The following FHOD3 variants were observed in gnomAD, a reference collection of about 807,000 sequenced individuals.
FHOD3 encodes formin homology 2 domain containing 3, also known as FH1/FH2 domain-containing protein 3.
Under a neutral mutation model 173.0 loss-of-function variants are expected in FHOD3, and 90 were observed. That is an observed-to-expected ratio of 0.52 (90% CI 0.44 to 0.62). The LOEUF (loss-of-function observed/expected upper bound fraction) is 0.62. FHOD3 is among the 20% of genes least tolerant of loss of function. The pLI, the probability that FHOD3 is intolerant of heterozygous loss-of-function variation, is 0.00. For synonymous variants in FHOD3, 828 were observed against 823.0 expected, an observed-to-expected ratio of 1.01 and a Z score of -0.10; for missense variants, 1,945 against 2,034.7, an observed-to-expected ratio of 0.96 and a Z score of 0.85.
chr18:36,369,467 A>G (rs2047059982), intron 2 of FHOD3, among the ~76,000 whole-genome samples: 2 of 127,220 alleles, frequency 1.6e-5, no homozygotes, highest in African/African-American at 6.3e-5. Flanking sequence ...ACACACACAC[A>G]CACACACACA....
intron 1 of FHOD3, among the ~76,000 whole-genome samples, chr18:36,328,685 C>T (rs897342717): frequency 4.6e-5 from 7 of 152,036 alleles, no homozygotes; most frequent in African/African-American, 1.7e-4. Flanking sequence ...GGGAGAAGCC[C>T]AGAGATTCCT....
intron 3 of FHOD3, among the ~76,000 whole-genome samples, chr18:36,431,074 A>G (rs1433234330): frequency 1.3e-5 from 2 of 152,240 alleles, no homozygotes; most frequent in Non-Finnish European, 2.9e-5. Flanking sequence ...ATCTTGATAA[A>G]TTGAAATCAA....
chr18:36,512,561 A>ATGCAGCAGC lies in FHOD3; in HGVS notation c.511+22_511+30dup. The ATGCAGCAGC allele has an allele frequency of 6.4e-7, 1 of 1,572,806 alleles. No homozygotes were observed. Among genetic ancestry groups the ATGCAGCAGC allele is most frequent in the South Asian group, 1.1e-5 (1 of 90,146 alleles). ...CTTAAGGGGTAAGTCATGACTGGGC[A>ATGCAGCAGC]TGCAGCAGCTGCCCCAGCTGCAGGG... On this transcript the variant is annotated intron_variant, in intron 5 of 28. Transcript: ENST00000590592.
intron 3 of FHOD3, among the ~76,000 whole-genome samples, chr18:36,377,137 G>T (rs1292025574): frequency 6.6e-6 from 1 of 152,154 alleles, no homozygotes; most frequent in Non-Finnish European, 1.5e-5. Context: ...GTATTCGAAG[G>T]GTGGGGAATG....
intron 9 of FHOD3, among the ~76,000 whole-genome samples, chr18:36,612,413 GAA>G (rs1350989178): frequency 6.6e-6 from 1 of 152,198 alleles, no homozygotes; most frequent in East Asian, 1.9e-4. Flanking sequence ...GACGGGGAGA[GAA>G]AGAGATAGAG....
intron 3 of FHOD3, among the ~76,000 whole-genome samples, chr18:36,447,008 G>C (rs1443619097): frequency 4.6e-5 from 7 of 152,174 alleles, no homozygotes; most frequent in South Asian, 4.1e-4. Flanking sequence ...TTTTTGCCTA[G>C]GACCTGCTGT....
At chr18:36,551,570 G>T (rs2057658657) in intron 5 of FHOD3, among the ~76,000 whole-genome samples, 1 of 152,046 alleles carries the variant, frequency 6.6e-6, no homozygotes, top group South Asian at 2.1e-4. Context: ...TGAAGTCCTT[G>T]CCCATGCCTA....
At chr18:36,468,595 C>T (rs1274597827) in intron 3 of FHOD3, among the ~76,000 whole-genome samples, 1 of 152,146 alleles carries the variant, frequency 6.6e-6, no homozygotes, top group Non-Finnish European at 1.5e-5. Flanking sequence ...CAGGGAATTT[C>T]AGGGGCAGTG....
At chr18:36,714,891 A>G (rs1419448151) in intron 18 of FHOD3, among the ~76,000 whole-genome samples, 1 of 152,222 alleles carries the variant, frequency 6.6e-6, no homozygotes, top group Non-Finnish European at 1.5e-5. Flanking sequence ...CCAAGGACAG[A>G]GAACAAAGAT....
chr18:36,408,766 C>T (rs76474312), intron 3 of FHOD3, among the ~76,000 whole-genome samples: 2,007 of 152,182 alleles, frequency 0.013, 33 homozygotes, highest in African/African-American at 0.045. Flanking sequence ...TCAAGGGAAG[C>T]GCAAGGATGT....
At chr18:36,384,270 C>T (rs563020384) in intron 3 of FHOD3, among the ~76,000 whole-genome samples, 1 of 152,094 alleles carries the variant, frequency 6.6e-6, no homozygotes, top group African/African-American at 2.4e-5. Flanking sequence ...GTCCTAGCTA[C>T]TTGGGAGGCT....
chr18:36,429,139 C>T (rs986275991), intron 3 of FHOD3, among the ~76,000 whole-genome samples: 4 of 152,250 alleles, frequency 2.6e-5, no homozygotes, highest in Non-Finnish European at 5.9e-5. Flanking sequence ...CCCAGAAGTC[C>T]CTGCCACCAG....
intron 14 of FHOD3, among the ~76,000 whole-genome samples, chr18:36,662,863 C>T (rs2036905374): frequency 6.6e-6 from 1 of 152,206 alleles, no homozygotes; most frequent in Admixed American, 6.5e-5. Context: ...TTATATCCCT[C>T]TTTCCTCAAT....
intron 3 of FHOD3, among the ~76,000 whole-genome samples, chr18:36,375,497 T>C (rs988071796): frequency 2.6e-5 from 4 of 152,234 alleles, no homozygotes; most frequent in Admixed American, 6.5e-5. Flanking sequence ...TCAAAAATAA[T>C]GCTTTCCTCA....
chr18:36,652,291 C>G lies in FHOD3; in HGVS notation c.1287-279C>G, dbSNP rs573547356. On this transcript the variant is annotated intron_variant, in intron 11 of 28. Coordinates refer to ENST00000590592, the MANE Select transcript of FHOD3 (RefSeq NM_001281740.3). Reference sequence around the variant, plus strand: ...GGGCTCCAGTAAATTCCCAAAGTCTCTTACACCTAGAGGCCAGGTTTGGCC... The same window carrying G: ...GGGCTCCAGTAAATTCCCAAAGTCTGTTACACCTAGAGGCCAGGTTTGGCC... Among the ~76,000 whole-genome samples the G allele has an allele frequency of 2.1e-4, 32 of 152,350 alleles. 1 individual carries two copies. The South Asian group carries it at 6.2e-3, about 30-fold the overall frequency.
intron 14 of FHOD3, among the ~76,000 whole-genome samples, chr18:36,658,945 A>G (rs2036600489): frequency 6.6e-6 from 1 of 152,186 alleles, no homozygotes; most frequent in Admixed American, 6.5e-5. Flanking sequence ...TGCTGTGTGA[A>G]GCCCACCATG....
chr18:36,625,780 G>A (rs1239943783), intron 10 of FHOD3, 31 bp downstream of exon 10: 4 of 1,545,892 alleles, frequency 2.6e-6, no homozygotes, highest in Non-Finnish European at 3.5e-6. Flanking sequence ...GGAGAGGGGT[G>A]CAAGGATGCC....
intron 3 of FHOD3, among the ~76,000 whole-genome samples, chr18:36,397,026 A>C (rs1039274396): frequency 6.6e-6 from 1 of 152,058 alleles, no homozygotes; most frequent in Non-Finnish European, 1.5e-5. Flanking sequence ...ACTATTTCTG[A>C]GTTTTAATTC....
At chr18:36,399,304 T>C (rs1222280252) in intron 3 of FHOD3, among the ~76,000 whole-genome samples, 1 of 152,222 alleles carries the variant, frequency 6.6e-6, no homozygotes, top group African/African-American at 2.4e-5. Context: ...ACTCATTATT[T>C]CAGCTCTGAA....
Sources: allele counts gnomAD v4.1 joint callset (sites outside exome capture counted in the v4.1 genomes callset), GRCh38; gene constraint gnomAD v4.1.1; transcripts MANE v1.5; gene names NCBI Gene and HGNC (gene_info 2026-07-23, HGNC 2026-07-21).